The following BTBD10 variants were observed in gnomAD, a reference collection of about 807,000 sequenced individuals.
BTBD10 encodes BTB domain containing 10.
A neutral mutation model predicts 53.2 loss-of-function variants in BTBD10; 21 were observed. The observed-to-expected ratio is 0.39, with a 90% CI of 0.28 to 0.57. BTBD10 has a LOEUF of 0.57. Ranked by LOEUF, BTBD10 falls within the 20% of genes least tolerant of loss-of-function variation. The probability of loss-of-function intolerance (pLI) is 0.53; values close to 1 mark genes in which losing one functional copy is unlikely to be tolerated. For synonymous variants in BTBD10, 149 were observed against 192.7 expected (o/e 0.77, Z 1.88); for missense variants, 360 against 594.7 (o/e 0.61, Z 4.10).
At chr11:13,421,938 T>G in intron 2 of BTBD10, 100 bp from the exon 3 acceptor site, 2 of 906,734 alleles carry the variant, frequency 2.2e-6, no homozygotes, top group Non-Finnish European at 3.1e-6. Context: ...TATCTTGAAG[T>G]GCAAAAATCA....
chr11:13,417,653 T>G (rs998949833), intron 4 of BTBD10, among the ~76,000 whole-genome samples: 17 of 152,204 alleles, frequency 1.1e-4, no homozygotes, highest in Non-Finnish European at 2.2e-4. Flanking sequence ...CTATTTTCAT[T>G]GTACAGTTAA....
intron 8 of BTBD10, among the ~76,000 whole-genome samples, chr11:13,402,617 T>C (rs768504430): frequency 6.6e-6 from 1 of 152,188 alleles, no homozygotes; most frequent in Non-Finnish European, 1.5e-5. Context: ...GATAAAACAT[T>C]ACAGAAAAAT....
chr11:13,436,048 C>G (rs1462982236), intron 2 of BTBD10, among the ~76,000 whole-genome samples: 1 of 152,140 alleles, frequency 6.6e-6, no homozygotes, highest in Non-Finnish European at 1.5e-5. Context: ...AACACAGAAC[C>G]TAAGTTTAGG....
chr11:13,439,518 A>T (rs993202230), intron 2 of BTBD10, among the ~76,000 whole-genome samples: 4 of 152,114 alleles, frequency 2.6e-5, no homozygotes, highest in Non-Finnish European at 5.9e-5. Context: ...TTCTTTAGAA[A>T]ATTTCAATTA....
intron 1 of BTBD10, among the ~76,000 whole-genome samples, 168 bp from the exon 2 acceptor site, chr11:13,445,349 T>A (rs1181243036): frequency 1.3e-5 from 2 of 151,310 alleles, no homozygotes; most frequent in African/African-American, 2.5e-5. Context: ...ACACCAGGGG[T>A]CTTCTTAAGT....
intron 8 of BTBD10, among the ~76,000 whole-genome samples, chr11:13,396,605 C>A (rs1949557717): frequency 6.6e-6 from 1 of 152,208 alleles, no homozygotes; most frequent in South Asian, 2.1e-4. Flanking sequence ...GAGAGGGCAT[C>A]CCTTTCTTGT....
chr11:13,461,930 C>CTTTT (rs564388278), intron 1 of BTBD10, among the ~76,000 whole-genome samples: 1 of 136,010 alleles, frequency 7.4e-6, no homozygotes, highest in Non-Finnish European at 1.6e-5. Context: ...TCTTCTCACA[C>CTTTT]TTTTTTTTTT....
At chr11:13,446,095 T>G (rs193032294) in intron 1 of BTBD10, among the ~76,000 whole-genome samples, 1 of 152,272 alleles carries the variant, frequency 6.6e-6, no homozygotes, top group East Asian at 1.9e-4. Flanking sequence ...TGTTTGGAAA[T>G]AGATGATTTG....
intron 8 of BTBD10, among the ~76,000 whole-genome samples, chr11:13,399,451 AT>A (rs1006633983): frequency 6.6e-6 from 1 of 151,906 alleles, no homozygotes; most frequent in South Asian, 2.1e-4. Context: ...CATTCGTCTA[AT>A]TTTTTTTCAA....
chr11:13,437,281 T>C (rs1011178736), intron 2 of BTBD10, among the ~76,000 whole-genome samples: 3 of 152,192 alleles, frequency 2.0e-5, no homozygotes, highest in Non-Finnish European at 4.4e-5. Context: ...ACTTTTGTCT[T>C]ATATCTAGTT....
intron 6 of BTBD10, among the ~76,000 whole-genome samples, chr11:13,409,195 G>T (rs540595419): frequency 2.6e-5 from 4 of 152,168 alleles, no homozygotes; most frequent in Non-Finnish European, 5.9e-5. Context: ...TACCAGACAA[G>T]CTCCTTCATT....
intron 8 of BTBD10, among the ~76,000 whole-genome samples, chr11:13,398,795 C>G (rs954277186): frequency 3.0e-4 from 45 of 152,104 alleles, no homozygotes; most frequent in African/African-American, 8.7e-4. Context: ...TTCTCCTTCA[C>G]TTATGAAGCT....
chr11:13,441,677 C>T (rs981714380), intron 2 of BTBD10, among the ~76,000 whole-genome samples: 6 of 151,786 alleles, frequency 4.0e-5, no homozygotes, highest in East Asian at 1.9e-4. Flanking sequence ...AAGTACAAGA[C>T]GAGAAAAAGT....
At chr11:13,415,045 A>C (rs1950066563) in intron 5 of BTBD10, among the ~76,000 whole-genome samples, 1 of 150,774 alleles carries the variant, frequency 6.6e-6, no homozygotes, top group Non-Finnish European at 1.5e-5. Context: ...CTTCCCTCAA[A>C]CTATTTAAGA....
At chr11:13,440,808 T>C (rs1439403524) in intron 2 of BTBD10, among the ~76,000 whole-genome samples, 1 of 152,204 alleles carries the variant, frequency 6.6e-6, no homozygotes, top group Admixed American at 6.5e-5. Flanking sequence ...TTCCACCCAA[T>C]TCAAATATTT....
chr11:13,455,013 C>T (rs1031300903), intron 1 of BTBD10, among the ~76,000 whole-genome samples: 39 of 152,174 alleles, frequency 2.6e-4, no homozygotes, highest in African/African-American at 9.2e-4. Flanking sequence ...CGGGTTCAAG[C>T]AATTCTCCTT....
chr11:13,454,684 G>T (rs1950928237), intron 1 of BTBD10, among the ~76,000 whole-genome samples: 1 of 150,976 alleles, frequency 6.6e-6, no homozygotes, highest in African/African-American at 2.4e-5. Context: ...AGACCCCCAG[G>T]TCTAAAAATA....
intron 2 of BTBD10, among the ~76,000 whole-genome samples, chr11:13,430,878 G>A (rs1471266842): frequency 6.6e-6 from 1 of 151,836 alleles, no homozygotes; most frequent in Admixed American, 6.6e-5. Context: ...GGGTATAGGA[G>A]TTCAAAGGGA....
chr11:13,444,652 AT>A (rs1950721408), intron 2 of BTBD10, among the ~76,000 whole-genome samples: 1 of 152,210 alleles, frequency 6.6e-6, no homozygotes, highest in South Asian at 2.1e-4. Context: ...ATAAATCTAT[AT>A]ATTATCCTGT....
Sources: gnomAD v4.1 joint callset for allele counts (sites outside exome capture counted in the v4.1 genomes callset) on GRCh38, gnomAD v4.1.1 for gene constraint, MANE v1.5 for transcripts, NCBI Gene and HGNC (gene_info 2026-07-23, HGNC 2026-07-21) for gene names.